The following LRAT variants were observed in gnomAD, a reference collection of about 807,000 sequenced individuals.
LRAT encodes lecithin retinol acyltransferase, also known as lecithin retinol acyltransferase (phosphatidylcholine--retinol O-acyltransferase).
Under a neutral mutation model 14.2 loss-of-function variants are expected in LRAT, and 11 were observed. The observed-to-expected ratio is 0.78, with a 90% confidence interval of 0.49 to 1.29. LRAT has a LOEUF of 1.29. LRAT is among the 50% of genes most tolerant of loss of function. The pLI, the probability that LRAT is intolerant of heterozygous loss-of-function variation, is 0.00. For missense variants in LRAT, 274 were observed against 292.4 expected, an observed-to-expected ratio of 0.94 and a Z score of 0.46; for synonymous variants, 144 against 124.8, an observed-to-expected ratio of 1.15 and a Z score of -1.03.
rs70947181 is a variant in LRAT at position 154,745,006 on chromosome 4, CTTTTTTTTTTTT to C, written c.540+159_540+170del. On this transcript the variant is annotated intron_variant, in intron 2 of 2. Coordinates refer to ENST00000336356, the MANE Select transcript of LRAT (RefSeq NM_004744.5). ...TTCCATACCATCCTTTTTCTTTTTC[CTTTTTTTTTTTT>C]TTTTTTTTTTTTTTTTTTGAGACGG... 3.9e-3 allele frequency: 957 copies of C among 246,042 alleles called. 10 individuals are homozygous for C. The East Asian group carries it at 0.067, about 17-fold the overall frequency. The allele number at this position is 246,042 out of a possible 1,614,324, so 15.2% of individuals were successfully genotyped here.
rs915089130 is a variant in LRAT, at chr4:154,744,818, C to T, written c.492C>T (p.Phe164=). The change falls in exon 2 of 3, where the codon TTC becomes TTT. Residue 164 remains phenylalanine, a synonymous_variant. Transcript: ENST00000336356. The stretch of plus-strand genomic sequence containing the variant: ...TGCTGTGGAACAACTGCGAGCACTT[C>T]GTGACCTACTGCAGATATGGCACCC... ...YSLLWNNCEH[F]VTYCRYGTPI... The T allele has an allele frequency of 6.2e-7, 1 of 1,613,822 alleles. No homozygotes were observed. Among genetic ancestry groups the T allele is most frequent in the South Asian group, 1.1e-5 (1 of 91,078 alleles).
intron 2 of LRAT, 73 bp downstream of exon 2, chr4:154,744,939 C>T: frequency 6.8e-7 from 1 of 1,470,356 alleles, no homozygotes; most frequent in African/African-American, 1.4e-5. Context: ...TTTTCTCTTC[C>T]CCGCGAGTAG....
chr4:154,748,029 C>G (rs904492979), intron 2 of LRAT, among the ~76,000 whole-genome samples: 3 of 152,070 alleles, frequency 2.0e-5, no homozygotes, highest in African/African-American at 7.2e-5. Context: ...ACATAAAATG[C>G]CATGTCTAGA....
chr4:154,746,873 T>G (rs1035572693), intron 2 of LRAT, among the ~76,000 whole-genome samples: 4 of 152,186 alleles, frequency 2.6e-5, no homozygotes, highest in Admixed American at 2.6e-4. Context: ...AACTGAGTTT[T>G]GTCTTCACTT....
rs760244398 is a variant in LRAT, at chr4:154,751,733, CAAAAAAAAAAAAAA to C, written c.*2615_*2628del. The C allele has an allele frequency of 1.1e-3, 26 of 23,852 alleles. No individual in the cohort carries two copies. The highest frequency in any genetic ancestry group is 3.4e-3 in the South Asian group (1 of 296). The allele number at this position is 23,852 out of a possible 1,614,324, so 1.5% of individuals were successfully genotyped here. Reference sequence around the variant, plus strand: ...TGGGCAACAAAGTGAGACTCCATCTCAAAAAAAAAAAAAAAAAAAAAAAAAAAAAAAGAAGAAGA... The same window carrying C: ...TGGGCAACAAAGTGAGACTCCATCTCAAAAAAAAAAAAAAAAAGAAGAAGA... On this transcript the variant is annotated 3_prime_UTR_variant, in exon 3 of 3. Transcript: ENST00000336356.
chr4:154,745,777 TG>T (rs1289144079), intron 2 of LRAT, among the ~76,000 whole-genome samples: 5 of 152,192 alleles, frequency 3.3e-5, no homozygotes, highest in African/African-American at 1.2e-4. Flanking sequence ...AGGGCCCCCC[TG>T]GTAGTTCCCT....
intron 2 of LRAT, 67 bp downstream of exon 2, chr4:154,744,933 C>T: frequency 9.3e-6 from 14 of 1,512,396 alleles, no homozygotes; most frequent in Admixed American, 1.7e-5. Flanking sequence ...CTGACCTTTT[C>T]TCTTCCCCGC....
At chr4:154,747,361 G>A (rs1273200648) in intron 2 of LRAT, among the ~76,000 whole-genome samples, 1 of 135,656 alleles carries the variant, frequency 7.4e-6, no homozygotes, top group Non-Finnish European at 1.6e-5. Flanking sequence ...TATTCCTTAT[G>A]CTTTTTCTAC....
At position 154,752,599 on chromosome 4, in the gene LRAT, T is replaced by C. The variant is rs1191523641; in HGVS notation, c.*3463T>C. 1 of 152,034 alleles carries C rather than the reference T, an allele frequency of 6.6e-6. No individual in the cohort carries two copies. The highest frequency in any genetic ancestry group is 6.5e-5 in the Admixed American group (1 of 15,272). 9.4% of individuals were successfully genotyped at this position (152,034 alleles called of 1,614,324 possible). On this transcript the variant is annotated 3_prime_UTR_variant, in exon 3 of 3. Coordinates refer to ENST00000336356, the MANE Select transcript of LRAT (RefSeq NM_004744.5). ...TGCTCAATCTCTAAAAAAAAAAGGA[T>C]CTGTATTCGTGAGAGTAGAGAGAAA...
At chr4:154,743,132 C>A (rs1258662033), upstream of LRAT, among the ~76,000 whole-genome samples, 4 of 116,166 alleles carry the variant, frequency 3.4e-5, no homozygotes, top group East Asian at 1.3e-3. Context: ...CCAACCCCCC[C>A]CCCCCCGCCC....
In LRAT at chr4:154,744,025, G is replaced by T. The variant is rs77224348; in HGVS notation, c.-199G>T. ...GAGCACCGCGCGCGGCCCTGCCCCC[G>T]GCACGGCCCCCAGGTGCGCTCCTTC... On this transcript the variant is annotated 5_prime_UTR_variant, in exon 1 of 3. Coordinates refer to ENST00000336356, the MANE Select transcript of LRAT (RefSeq NM_004744.5). The T allele has an allele frequency of 3.0e-3, 1,291 of 435,592 alleles. 20 individuals carry two copies. Among genetic ancestry groups the T allele is most frequent in the African/African-American group, 0.024 (1,225 of 50,242 alleles). 27.0% of individuals were successfully genotyped at this position (435,592 alleles called of 1,614,324 possible). A position where few individuals can be genotyped will look rare whatever the true frequency, so the allele number is the denominator to read the frequency against.
intron 2 of LRAT, among the ~76,000 whole-genome samples, chr4:154,748,597 C>T (rs1368729831): frequency 2.6e-5 from 4 of 151,950 alleles, no homozygotes; most frequent in Admixed American, 2.6e-4. Flanking sequence ...TTTTAATTGG[C>T]CAAATTCTAT....
upstream of LRAT, among the ~76,000 whole-genome samples, chr4:154,741,695 G>A (rs1450879031): frequency 6.6e-6 from 1 of 152,158 alleles, no homozygotes; most frequent in Non-Finnish European, 1.5e-5. Flanking sequence ...ACGCAAATCA[G>A]CTTGGCACTG....
chr4:154,743,493 TCAAAACAAAA>T (rs1206569430), upstream of LRAT, among the ~76,000 whole-genome samples: 2 of 151,886 alleles, frequency 1.3e-5, no homozygotes, highest in African/African-American at 4.8e-5. Flanking sequence ...AGGCACTGTC[TCAAAACAAAA>T]CAAAACAAAA....
rs1204801759 is a variant in LRAT at position 154,744,335 on chromosome 4, C to T, written c.9C>T (p.Asn3=). 6.2e-7 allele frequency: 1 copy of T among 1,614,002 alleles called. No homozygotes were observed. Among genetic ancestry groups the T allele is most frequent in the African/African-American group, 1.3e-5 (1 of 74,948 alleles). The change falls in exon 2 of 3, where the codon AAC becomes AAT. Residue 3 remains asparagine, a synonymous_variant. Coordinates refer to ENST00000336356, the MANE Select transcript of LRAT (RefSeq NM_004744.5). Reference sequence around the variant, plus strand: ...GCCCTCTTCCCTGCAGGATGAAGAACCCCATGCTGGAGGTGGTGTCTTTAC... The same window carrying T: ...GCCCTCTTCCCTGCAGGATGAAGAATCCCATGCTGGAGGTGGTGTCTTTAC... MK[N]PMLEVVSLLL...
upstream of LRAT, among the ~76,000 whole-genome samples, chr4:154,743,565 T>C (rs900016595): frequency 6.6e-6 from 1 of 152,128 alleles, no homozygotes; most frequent in Non-Finnish European, 1.5e-5. Flanking sequence ...GCTCGCACTT[T>C]GCAAAGTAAA....
At chr4:154,746,070 T>C (rs1732880097) in intron 2 of LRAT, among the ~76,000 whole-genome samples, 1 of 152,354 alleles carries the variant, frequency 6.6e-6, no homozygotes, top group Non-Finnish European at 1.5e-5. Flanking sequence ...TTATTTCCTT[T>C]TAAAACCTCT....
chr4:154,747,089 T>C (rs923514442), intron 2 of LRAT, among the ~76,000 whole-genome samples: 1 of 152,172 alleles, frequency 6.6e-6, no homozygotes, highest in African/African-American at 2.4e-5. Context: ...GAGTTCTCCA[T>C]ATATGCAACT....
chr4:154,743,160 G>A (rs914054869), upstream of LRAT, among the ~76,000 whole-genome samples: 2 of 72,834 alleles, frequency 2.7e-5, no homozygotes, highest in African/African-American at 6.7e-5. Context: ...ACACCCTCGC[G>A]CCGGCTGAAA....
Sources: gnomAD v4.1 joint callset for allele counts (sites outside exome capture counted in the v4.1 genomes callset) on GRCh38, gnomAD v4.1.1 for gene constraint, MANE v1.5 for transcripts, NCBI Gene and HGNC (gene_info 2026-07-23, HGNC 2026-07-21) for gene names.